The following PHIP variants were observed in gnomAD, a reference collection of about 807,000 sequenced individuals.
The protein encoded by PHIP is PH-interacting protein.
Under a neutral mutation model 236.8 loss-of-function variants are expected in PHIP, and 54 were observed. That is an observed-to-expected ratio of 0.23 (90% CI 0.18 to 0.29). PHIP has a LOEUF of 0.29. PHIP is among the 10% of genes least tolerant of loss of function. The pLI is 1.00. For missense variants in PHIP, 1,370 were observed against 2,190.8 expected, an observed-to-expected ratio of 0.63 and a Z score of 7.48; for synonymous variants, 756 against 718.9, an observed-to-expected ratio of 1.05 and a Z score of -0.83.
intron 19 of PHIP, among the ~76,000 whole-genome samples, chr6:78,993,467 C>A (rs1385070232): frequency 6.6e-6 from 1 of 152,208 alleles, no homozygotes; most frequent in Non-Finnish European, 1.5e-5. Flanking sequence ...CTTCAAAGGG[C>A]AGTCTAAATC....
intron 31 of PHIP, among the ~76,000 whole-genome samples, chr6:78,959,173 G>A (rs1766606091): frequency 6.6e-6 from 1 of 152,054 alleles, no homozygotes; most frequent in African/African-American, 2.4e-5. Context: ...ATAAAATCTG[G>A]AGTTTTACAA....
At chr6:79,077,532 GCCCGGCC>G (rs1229196833) in intron 3 of PHIP, 25 bp from the exon 4 acceptor site, 16 of 1,472,570 alleles carry the variant, frequency 1.1e-5, no homozygotes, top group African/African-American at 1.5e-5. Flanking sequence ...CACCCCGTGA[GCCCGGCC>G]CCCGGCCCCT....
chr6:79,005,463 G>GTAACTTAT (rs1770237584), intron 15 of PHIP, among the ~76,000 whole-genome samples: 1 of 151,806 alleles, frequency 6.6e-6, no homozygotes, highest in Admixed American at 6.6e-5. Flanking sequence ...TACATGAACT[G>GTAACTTAT]TTATAAATAA....
intron 12 of PHIP, among the ~76,000 whole-genome samples, chr6:79,017,131 G>C (rs2127741992): frequency 6.6e-6 from 1 of 152,032 alleles, no homozygotes; most frequent in African/African-American, 2.4e-5. Context: ...TTAAAAAGCA[G>C]TAATTACTAA....
At position 78,940,232 on chromosome 6, in the gene PHIP, A is replaced by AGG. The variant is rs1773419009; in HGVS notation, c.*460_*461insCC. 2 of 152,048 alleles carry AGG rather than the reference A, an allele frequency of 1.3e-5. No homozygotes were observed. The highest frequency in any genetic ancestry group is 6.6e-5 in the Admixed American group (1 of 15,258). 9.4% of individuals were successfully genotyped at this position (152,048 alleles called of 1,614,324 possible). A position where few individuals can be genotyped will look rare whatever the true frequency, so the allele number is the denominator to read the frequency against. On this transcript the variant is annotated 3_prime_UTR_variant, in exon 40 of 40. Transcript: ENST00000275034. ...TCTTAATTCACTGCTACTCTGTATAACATCTATCTTTTAGGGGCATGACTT... is the reference window on the plus strand; with the variant it reads ...TCTTAATTCACTGCTACTCTGTATAAGGCATCTATCTTTTAGGGGCATGACTT...
Position 79,029,932 on chromosome 6 carries a change from C to A in PHIP, c.601-3768G>T, listed in dbSNP as rs915062577. On this transcript the variant is annotated intron_variant, in intron 7 of 39. Transcript: ENST00000275034. The stretch of plus-strand genomic sequence containing the variant: ...ATACACTCTCTTTTCCATAAGCCTA[C>A]CTCTAGTTCCACGAATGTTACTAAG... 4.6e-5 allele frequency among the ~76,000 whole-genome samples: 7 copies of A among 152,254 alleles called. No individual in the cohort carries two copies. In the South Asian group the frequency reaches 8.3e-4, roughly 18 times the overall value.
intron 35 of PHIP, among the ~76,000 whole-genome samples, chr6:78,949,965 A>C (rs1341662258): frequency 1.3e-5 from 2 of 152,200 alleles, no homozygotes; most frequent in African/African-American, 4.8e-5. Flanking sequence ...CTGGGATTAC[A>C]GGTGTGAGCC....
At chr6:79,051,063 T>C (rs901630862) in intron 6 of PHIP, among the ~76,000 whole-genome samples, 40 of 152,118 alleles carry the variant, frequency 2.6e-4, no homozygotes, top group Non-Finnish European at 8.8e-5. Flanking sequence ...TAAGGAGGAA[T>C]GTTTAATTCA....
intron 4 of PHIP, among the ~76,000 whole-genome samples, chr6:79,066,330 A>C (rs1210371812): frequency 6.6e-6 from 1 of 152,166 alleles, no homozygotes; most frequent in African/African-American, 2.4e-5. Flanking sequence ...TTTACATGGA[A>C]CTACTCATAA....
intron 39 of PHIP, among the ~76,000 whole-genome samples, 174 bp from the exon 40 acceptor site, chr6:78,941,504 T>G (rs1773498590): frequency 6.6e-6 from 1 of 152,166 alleles, no homozygotes; most frequent in South Asian, 2.1e-4. Flanking sequence ...ATCTTATTTA[T>G]TTTCTAATTA....
At chr6:79,018,697 T>C (rs1582231325) in intron 10 of PHIP, among the ~76,000 whole-genome samples, 1 of 151,936 alleles carries the variant, frequency 6.6e-6, no homozygotes. Flanking sequence ...GATGTACAAA[T>C]ATGAATCAAA....
chr6:79,077,333 T>A, intron 4 of PHIP, 115 bp downstream of exon 4: 1 of 954,470 alleles, frequency 1.0e-6, no homozygotes, highest in Non-Finnish European at 1.6e-6. Context: ...CCCCATGGCC[T>A]TTGGAGCTTT....
At chr6:78,997,219 TATC>T (rs1344565768) in intron 19 of PHIP, among the ~76,000 whole-genome samples, 192 bp downstream of exon 19, 1 of 152,170 alleles carries the variant, frequency 6.6e-6, no homozygotes, top group Non-Finnish European at 1.5e-5. Context: ...GTATCATTCT[TATC>T]ATTTACATAA....
chr6:78,996,391 T>C (rs1206153342), intron 19 of PHIP, among the ~76,000 whole-genome samples: 1 of 152,214 alleles, frequency 6.6e-6, no homozygotes, highest in Non-Finnish European at 1.5e-5. Context: ...AAATAAAAAG[T>C]GATAGTAACA....
Position 78,973,142 on chromosome 6 carries a change from G to C in PHIP, c.2890-2254C>G, listed in dbSNP as rs963452140. 2.0e-3 allele frequency among the ~76,000 whole-genome samples: 299 copies of C among 152,146 alleles called. 1 individual carries two copies. The highest frequency in any genetic ancestry group is 3.4e-3 in the Middle Eastern group (1 of 294). On this transcript the variant is annotated intron_variant, in intron 24 of 39. Coordinates refer to ENST00000275034, the MANE Select transcript of PHIP (RefSeq NM_017934.7). ...CAGCCAGAGAGAAAGGTCGGGTTAC[G>C]CTCAAAGGGAAGCCCATTAGACTAA...
At chr6:78,963,062 C>T (rs1344783359) in intron 30 of PHIP, 35 bp downstream of exon 30, 3 of 1,526,620 alleles carry the variant, frequency 2.0e-6, no homozygotes, top group East Asian at 2.4e-5. Context: ...TGTGTTCTGC[C>T]AGTTTTTTCT....
intron 17 of PHIP, among the ~76,000 whole-genome samples, chr6:79,000,316 T>G (rs1769902126): frequency 6.6e-6 from 1 of 152,022 alleles, no homozygotes; most frequent in Non-Finnish European, 1.5e-5. Context: ...AACTGGTATC[T>G]ATTTCATTTT....
At position 78,980,329 on chromosome 6, in the gene PHIP, T is replaced by TA. The variant is rs577059243; in HGVS notation, c.2770-1619dup. Among the ~76,000 whole-genome samples, 4 of 152,130 alleles carry TA rather than the reference T, an allele frequency of 2.6e-5. No homozygotes were observed. In the South Asian group the frequency reaches 8.3e-4, roughly 32 times the overall value. ...AGAAACAGGAAGACACATGAGATGC[T>TA]ACCACAGTAATATAAATGAGAGTTC... On this transcript the variant is annotated intron_variant, in intron 23 of 39. Transcript: ENST00000275034.
chr6:79,048,547 T>C (rs1035581623), intron 6 of PHIP, among the ~76,000 whole-genome samples: 11 of 152,072 alleles, frequency 7.2e-5, no homozygotes, highest in Non-Finnish European at 8.8e-5. Context: ...CTTTGTAAAA[T>C]GAACAAGCAC....
Sources: allele counts gnomAD v4.1 joint callset (sites outside exome capture counted in the v4.1 genomes callset), GRCh38; gene constraint gnomAD v4.1.1; transcripts MANE v1.5; gene names NCBI Gene and HGNC (gene_info 2026-07-23, HGNC 2026-07-21).